KIAA1549L: variants seen among roughly 807,000 people sequenced by gnomAD.
The protein encoded by KIAA1549L is UPF0606 protein KIAA1549L.
Under a neutral mutation model 160.7 loss-of-function variants are expected in KIAA1549L, and 88 were observed. The ratio of observed to expected loss-of-function variants is 0.55; its 90% CI spans 0.46 to 0.65. KIAA1549L has a LOEUF of 0.65. Ranked by LOEUF, KIAA1549L falls within the 30% of genes least tolerant of loss-of-function variation. The pLI, the probability that KIAA1549L is intolerant of heterozygous loss-of-function variation, is 0.00. For missense variants in KIAA1549L, 2,258 were observed against 2,437.5 expected, an observed-to-expected ratio of 0.93 and a Z score of 1.55; for synonymous variants, 950 against 976.7, an observed-to-expected ratio of 0.97 and a Z score of 0.51.
intron 8 of KIAA1549L, 128 bp from the exon 9 acceptor site, chr11:33,567,948 G>A: frequency 6.6e-6 from 6 of 904,158 alleles, no homozygotes; most frequent in Non-Finnish European, 9.5e-6. Flanking sequence ...GGTAAGGTTG[G>A]CCAAGCCCTA....
intron 8 of KIAA1549L, among the ~76,000 whole-genome samples, chr11:33,563,348 CAAAAAAAAA>C (rs68027285): frequency 1.0e-5 from 1 of 95,944 alleles, no homozygotes; most frequent in African/African-American, 4.5e-5. Context: ...GACCGTGTCT[CAAAAAAAAA>C]AAAAAAAAAA....
At position 33,401,280 on chromosome 11, in the gene KIAA1549L, AAT is replaced by A. The variant is rs1850495014; in HGVS notation, c.238+24396_238+24397del. On this transcript the variant is annotated intron_variant, in intron 1 of 20. Transcript: ENST00000658780. ...TACATTATATTTATACAATATATAA[AAT>A]ATATTTATATATAAAATATATAATA... 2.0e-5 allele frequency among the ~76,000 whole-genome samples: 3 copies of A among 147,938 alleles called. No homozygotes were observed. In the Admixed American group the frequency reaches 2.0e-4, roughly 10 times the overall value.
chr11:33,394,929 A>C (rs969992806), intron 1 of KIAA1549L, among the ~76,000 whole-genome samples: 1 of 152,200 alleles, frequency 6.6e-6, no homozygotes, highest in African/African-American at 2.4e-5. Flanking sequence ...CATTCTGTGC[A>C]CATTCCATGG....
At chr11:33,500,223 A>C (rs1392324918) in intron 1 of KIAA1549L, among the ~76,000 whole-genome samples, 1 of 152,224 alleles carries the variant, frequency 6.6e-6, no homozygotes, top group African/African-American at 2.4e-5. Context: ...AAAGAGGCTT[A>C]GAGAGAGGTT....
chr11:33,542,744 C>T lies in KIAA1549L; in HGVS notation c.1181C>T (p.Pro394Leu). 2 of 1,613,992 alleles carry T rather than the reference C, an allele frequency of 1.2e-6. No homozygotes were observed. The highest frequency in any genetic ancestry group is 1.1e-5 in the South Asian group (1 of 91,074). ...ACCCAGCAGATCAAAGCTGGGGTGC[C>T]TGGAAGAGTGCACAATGGGGTGTCT... Reference protein sequence around the residue: ...ASTQQIKAGVPGRVHNGVSLP... With the variant: ...ASTQQIKAGVLGRVHNGVSLP... Residue 394 changes from proline to leucine, a missense_variant, in exon 2 of 21, where the codon CCT becomes CTT. Pro to Leu is a moderately conservative substitution (Grantham distance 98). Coordinates refer to ENST00000658780, the MANE Select transcript of KIAA1549L (RefSeq NM_012194.3).
chr11:33,587,917 T>C (rs1344715904), intron 11 of KIAA1549L, among the ~76,000 whole-genome samples: 2 of 152,108 alleles, frequency 1.3e-5, no homozygotes, highest in Non-Finnish European at 2.9e-5. Flanking sequence ...CAGGAGATGC[T>C]AACCAAGATA....
intron 1 of KIAA1549L, among the ~76,000 whole-genome samples, chr11:33,541,276 A>AT (rs1854014046): frequency 6.6e-6 from 1 of 152,228 alleles, no homozygotes; most frequent in Non-Finnish European, 1.5e-5. Flanking sequence ...GGCATGAATG[A>AT]TAGCACCTGG....
chr11:33,442,239 G>A (rs1245860293), intron 1 of KIAA1549L, among the ~76,000 whole-genome samples: 7 of 152,204 alleles, frequency 4.6e-5, no homozygotes, highest in Middle Eastern at 3.4e-3. Context: ...GTAGATATGC[G>A]GCATGATTTC....
At chr11:33,387,304 T>C (rs1311026694) in intron 1 of KIAA1549L, among the ~76,000 whole-genome samples, 2 of 151,890 alleles carry the variant, frequency 1.3e-5, no homozygotes, top group Non-Finnish European at 2.9e-5. Flanking sequence ...CTCTCTCTCT[T>C]TATTTTATTT....
chr11:33,548,697 C>G (rs1467265050), intron 4 of KIAA1549L, among the ~76,000 whole-genome samples: 1 of 152,278 alleles, frequency 6.6e-6, no homozygotes, highest in East Asian at 1.9e-4. Context: ...ATTTTGATGT[C>G]TTATCCAAGA....
intron 1 of KIAA1549L, among the ~76,000 whole-genome samples, chr11:33,386,174 A>G (rs1312474455): frequency 1.3e-5 from 2 of 152,160 alleles, no homozygotes; most frequent in African/African-American, 2.4e-5. Flanking sequence ...GGAGGGAAAT[A>G]TCAGTCTTTC....
chr11:33,560,626 T>C (rs1854823226), intron 7 of KIAA1549L, among the ~76,000 whole-genome samples: 1 of 152,218 alleles, frequency 6.6e-6, no homozygotes, highest in African/African-American at 2.4e-5. Flanking sequence ...ACATTTTGTA[T>C]CCAAATGTTT....
intron 1 of KIAA1549L, among the ~76,000 whole-genome samples, chr11:33,429,430 T>G (rs1345825730): frequency 6.6e-6 from 1 of 152,194 alleles, no homozygotes; most frequent in Admixed American, 6.5e-5. Flanking sequence ...CCAATCAGTC[T>G]TTCCTCCTTA....
chr11:33,622,949 C>A (rs1366309155), intron 16 of KIAA1549L, among the ~76,000 whole-genome samples: 1 of 152,178 alleles, frequency 6.6e-6, no homozygotes, highest in Non-Finnish European at 1.5e-5. Flanking sequence ...TACAGGTGAG[C>A]AGTGGTTACT....
chr11:33,636,435 A>G (rs369510254), intron 16 of KIAA1549L, among the ~76,000 whole-genome samples: 68 of 141,612 alleles, frequency 4.8e-4, no homozygotes, highest in African/African-American at 1.6e-3. Context: ...TGCAACTTCC[A>G]CCTCCTGGGT....
rs771263277 is a variant in KIAA1549L, at chr11:33,568,068, A to C, written c.4079-8A>C. 1 of 1,600,750 alleles carries C rather than the reference A, an allele frequency of 6.2e-7. No individual in the cohort carries two copies. Among genetic ancestry groups the C allele is most frequent in the East Asian group, 2.3e-5 (1 of 44,310 alleles). ...TCTGAGCCTCTGCTCTGCCTTCTGC[A>C]TCCACAGTGCTGCAGGGTGTGGACA... is the stretch of plus-strand genomic sequence containing the variant. On this transcript the variant is annotated splice_region_variant and splice_polypyrimidine_tract_variant and intron_variant, in intron 8 of 20. Transcript: ENST00000658780.
chr11:33,408,003 GT>G (rs1301837393), intron 1 of KIAA1549L, among the ~76,000 whole-genome samples: 4 of 150,608 alleles, frequency 2.7e-5, no homozygotes, highest in South Asian at 4.2e-4. Context: ...TCATCAAGTT[GT>G]TTTTTTTTCC....
intron 10 of KIAA1549L, among the ~76,000 whole-genome samples, chr11:33,581,397 TTGTGTGTGTGTGTG>T (rs10579855): frequency 1.4e-4 from 21 of 149,778 alleles, no homozygotes; most frequent in African/African-American, 3.4e-4. Context: ...TTCTGACAAA[TTGTGTGTGTGTGTG>T]TGTGTGTGTG....
chr11:33,583,398 C>A lies in KIAA1549L; in HGVS notation c.4463C>A (p.Ala1488Asp). Residue 1488 changes from alanine to aspartate, a missense_variant, in exon 11 of 21, where the codon GCC (alanine) becomes GAC (aspartate). Around this residue, in one of 6 missense-constraint regions of KIAA1549L, gnomAD observed 1,359 missense variants for 1,546.6 expected, o/e 0.88. Coordinates refer to ENST00000658780, the MANE Select transcript of KIAA1549L (RefSeq NM_012194.3). ...ATCGCTGCAGTGCTGGCGCCCATTG[C>A]CGTGGTCACGGTCATCATCATCATC... ...WIIAAVLAPIAVVTVIIIIIT... is the reference protein window; with the variant it reads ...WIIAAVLAPIDVVTVIIIIIT... 6.2e-7 allele frequency: 1 copy of A among 1,604,386 alleles called. No homozygotes were observed. The highest frequency in any genetic ancestry group is 1.1e-5 in the South Asian group (1 of 88,834).
Sources: gnomAD v4.1 joint callset for allele counts (sites outside exome capture counted in the v4.1 genomes callset) on GRCh38, gnomAD v4.1.1 for gene constraint, gnomAD v4.1.1 regional missense constraint, MANE v1.5 for transcripts, NCBI Gene and HGNC (gene_info 2026-07-23, HGNC 2026-07-21) for gene names.